The following PDE4D variants were observed in gnomAD, a reference collection of about 807,000 sequenced individuals.
PDE4D encodes 3',5'-cyclic-AMP phosphodiesterase 4D.
In PDE4D, 24 loss-of-function variants were observed where a neutral mutation model predicts 87.4. The observed-to-expected ratio is 0.27, with a 90% CI of 0.20 to 0.39. The LOEUF is 0.39. Ranked by LOEUF, PDE4D falls within the 10% of genes least tolerant of loss-of-function variation. The pLI is 1.00. For synonymous variants in PDE4D, 384 were observed against 383.2 expected, an observed-to-expected ratio of 1.00 and a Z score of -0.02; for missense variants, 714 against 1,041.0, an observed-to-expected ratio of 0.69 and a Z score of 4.32.
intron 1 of PDE4D, among the ~76,000 whole-genome samples, chr5:59,563,307 C>G (rs2153692532): frequency 6.6e-6 from 1 of 152,334 alleles, no homozygotes; most frequent in Non-Finnish European, 1.5e-5. Flanking sequence ...TTTCAGTTAA[C>G]CCAGGGTTGA....
intron 3 of PDE4D, among the ~76,000 whole-genome samples, chr5:59,925,273 T>C (rs1367557146): frequency 6.6e-6 from 1 of 151,838 alleles, no homozygotes; most frequent in Non-Finnish European, 1.5e-5. Flanking sequence ...TGTTTGTTTA[T>C]GCAATCAGTT....
intron 1 of PDE4D, among the ~76,000 whole-genome samples, chr5:59,642,666 C>A (rs556560080): frequency 6.6e-6 from 1 of 152,280 alleles, no homozygotes; most frequent in East Asian, 1.9e-4. Flanking sequence ...AACTGTAAAT[C>A]CAATTAAACC....
At chr5:59,831,123 A>G (rs1741133177) in intron 1 of PDE4D, among the ~76,000 whole-genome samples, 1 of 152,014 alleles carries the variant, frequency 6.6e-6, no homozygotes, top group African/African-American at 2.4e-5. Flanking sequence ...AAAACAATCT[A>G]TTTTTTAAGA....
chr5:59,017,447 A>G (rs1280170452), intron 6 of PDE4D, among the ~76,000 whole-genome samples: 1 of 152,172 alleles, frequency 6.6e-6, no homozygotes, highest in Non-Finnish European at 1.5e-5. Flanking sequence ...GAGGGTATGT[A>G]AGGAGAAAGA....
At chr5:59,799,203 A>G (rs1766840398) in intron 1 of PDE4D, among the ~76,000 whole-genome samples, 1 of 152,220 alleles carries the variant, frequency 6.6e-6, no homozygotes, top group African/African-American at 2.4e-5. Flanking sequence ...CAGCCCCTGC[A>G]CTGTGCAAGT....
chr5:59,190,245 G>T (rs1458344222), intron 3 of PDE4D, among the ~76,000 whole-genome samples: 1 of 152,162 alleles, frequency 6.6e-6, no homozygotes, highest in Non-Finnish European at 1.5e-5. Context: ...CAGAAAATAT[G>T]CACAGAAAAA....
chr5:59,395,668 A>T lies in PDE4D; in HGVS notation c.456-179700T>A, dbSNP rs1322229343. Among the ~76,000 whole-genome samples, 2 of 141,234 alleles carry T rather than the reference A, an allele frequency of 1.4e-5. 1 individual carries two copies. Among genetic ancestry groups the T allele is most frequent in the African/African-American group, 5.4e-5 (2 of 36,888 alleles). The allele number at this position is 141,234 out of a possible 152,430, so 92.7% of individuals were successfully genotyped here. On this transcript the variant is annotated intron_variant, in intron 1 of 14. Coordinates refer to ENST00000340635, the MANE Select transcript of PDE4D (RefSeq NM_001104631.2). ...AGAAAAACTGGAAACTCTAAAAATC[A>T]GAGCGCCTCTCCTCCTCTAAAGGAA...
intron 1 of PDE4D, among the ~76,000 whole-genome samples, chr5:59,420,039 A>G (rs2591744): frequency 0.14 from 22,041 of 152,176 alleles, 1,890 homozygotes; most frequent in East Asian, 0.21. Flanking sequence ...GAATTGCTCT[A>G]TTGGAATTTT....
intron 1 of PDE4D, among the ~76,000 whole-genome samples, chr5:60,340,607 TAAA>T (rs10583972): frequency 1.1e-3 from 153 of 138,552 alleles, no homozygotes; most frequent in East Asian, 2.3e-3. Context: ...TCACATCATT[TAAA>T]AAAAAAAAAA....
chr5:59,288,367 T>C (rs1316389628), intron 1 of PDE4D, among the ~76,000 whole-genome samples: 2 of 151,762 alleles, frequency 1.3e-5, no homozygotes, highest in East Asian at 3.9e-4. Flanking sequence ...GAAAGAACTG[T>C]GAGCTTGAAG....
intron 1 of PDE4D, among the ~76,000 whole-genome samples, chr5:59,455,259 G>T (rs985702787): frequency 6.6e-6 from 1 of 152,198 alleles, no homozygotes; most frequent in Admixed American, 6.5e-5. Flanking sequence ...ATGGTTTCAT[G>T]GGTCAGGCCC....
intron 2 of PDE4D, among the ~76,000 whole-genome samples, chr5:60,155,273 T>A (rs1781867698): frequency 6.6e-6 from 1 of 152,220 alleles, no homozygotes; most frequent in South Asian, 2.1e-4. Context: ...TCTATCTTTT[T>A]TTATTGTAGC....
At chr5:58,989,974 AT>A in intron 9 of PDE4D, 55 bp from the exon 10 acceptor site, 1 of 1,094,748 alleles carries the variant, frequency 9.1e-7, no homozygotes, top group East Asian at 2.5e-5. Context: ...AAATTTCTCC[AT>A]AGAGTATGTT....
At chr5:59,355,544 T>A (rs1346362293) in intron 1 of PDE4D, among the ~76,000 whole-genome samples, 1 of 152,146 alleles carries the variant, frequency 6.6e-6, no homozygotes, top group Non-Finnish European at 1.5e-5. Context: ...TTTAACAAAA[T>A]GCAAAGCACA....
At chr5:60,397,961 C>T (rs1037930838) in intron 1 of PDE4D, among the ~76,000 whole-genome samples, 2 of 152,176 alleles carry the variant, frequency 1.3e-5, no homozygotes, top group African/African-American at 4.8e-5. Context: ...TAGGTGAGCA[C>T]TCTTACAGTT....
At chr5:59,592,970 C>T (rs2153703826) in intron 1 of PDE4D, among the ~76,000 whole-genome samples, 1 of 151,668 alleles carries the variant, frequency 6.6e-6, no homozygotes, top group East Asian at 1.9e-4. Context: ...ATAATTTTAA[C>T]TTATTATAAT....
chr5:59,789,049 G>GAA (rs1765489978), intron 1 of PDE4D, among the ~76,000 whole-genome samples: 1 of 152,194 alleles, frequency 6.6e-6, no homozygotes, highest in Admixed American at 6.5e-5. Context: ...ACCTGAGCTT[G>GAA]GTTAGGATTT....
At chr5:59,483,081 G>A (rs2153657000) in intron 1 of PDE4D, among the ~76,000 whole-genome samples, 1 of 152,254 alleles carries the variant, frequency 6.6e-6, no homozygotes, top group South Asian at 2.1e-4. Flanking sequence ...CCTCCTGCCT[G>A]CCTGAGCTGG....
At chr5:59,982,024 A>G in intron 3 of PDE4D, among the ~76,000 whole-genome samples, 1 of 152,236 alleles carries the variant, frequency 6.6e-6, no homozygotes, top group East Asian at 1.9e-4. Flanking sequence ...TGAATAGCAC[A>G]CAAATCAAGG....
Sources: gnomAD v4.1 joint callset for allele counts (sites outside exome capture counted in the v4.1 genomes callset) on GRCh38, gnomAD v4.1.1 for gene constraint, MANE v1.5 for transcripts, NCBI Gene and HGNC (gene_info 2026-07-23, HGNC 2026-07-21) for gene names.